The following SEMA3A variants were observed in gnomAD, a reference collection of about 807,000 sequenced individuals.
SEMA3A encodes the protein semaphorin-3A.
SEMA3A carries 29 observed loss-of-function variants against 97.9 expected under a neutral mutation model. The ratio of observed to expected loss-of-function variants is 0.30; its 90% CI spans 0.22 to 0.40. The LOEUF (loss-of-function observed/expected upper bound fraction) is 0.40, where lower values mean the gene tolerates loss of function less well. Ranked by LOEUF, SEMA3A falls within the 10% of genes least tolerant of loss-of-function variation. The pLI is 1.00. For synonymous variants in SEMA3A, 321 were observed against 323.7 expected (o/e 0.99, Z 0.09); for missense variants, 763 against 951.3 (o/e 0.80, Z 2.60).
At chr7:84,150,544 A>C (rs1212708118) in intron 1 of SEMA3A, among the ~76,000 whole-genome samples, 1 of 152,038 alleles carries the variant, frequency 6.6e-6, no homozygotes, top group Non-Finnish European at 1.5e-5. Context: ...GGCTTAAAAA[A>C]CGGCGCATCA....
At position 84,412,664 on chromosome 7, in the gene SEMA3A, T is replaced by C. The variant is rs1338223551; in HGVS notation, c.-245-40764A>G. On this transcript the variant is annotated intron_variant, in intron 1 of 3. Transcript: ENST00000424555. ...ATCTTTGTAGTTGAGCTCTAAGTGG[T>C]ATAAAGATTATACTGGATGGGTTAT... 2.0e-5 allele frequency among the ~76,000 whole-genome samples: 3 copies of C among 152,186 alleles called. 1 individual carries two copies. Among genetic ancestry groups the C allele is most frequent in the Non-Finnish European group, 4.4e-5 (3 of 68,028 alleles).
rs752420619 is a variant in SEMA3A, at chr7:84,005,559, C to CTATT, written c.1141-5_1141-2dup. On this transcript the variant is annotated splice_acceptor_variant, in intron 10 of 16. Transcript: ENST00000265362. LOFTEE classifies it high-confidence loss of function. Reference sequence around the variant, plus strand: ...AACCACCAAATGTTTTGCTGGGACACTATTAAGATAAAGAGAAAATTATCT... The same window carrying CTATT: ...AACCACCAAATGTTTTGCTGGGACACTATTTATTAAGATAAAGAGAAAATTATCT... The CTATT allele has an allele frequency of 3.8e-6, 6 of 1,587,968 alleles. No homozygotes were observed. The African/African-American group carries it at 4.0e-5, about 11-fold the overall frequency.
At chr7:84,387,792 C>A (rs1010580580) in intron 1 of SEMA3A, among the ~76,000 whole-genome samples, 4 of 152,176 alleles carry the variant, frequency 2.6e-5, no homozygotes, top group Non-Finnish European at 5.9e-5. Flanking sequence ...TAAAACTCTA[C>A]ATTTGTTTGA....
chr7:84,270,097 T>G (rs1473636118), intron 3 of SEMA3A, among the ~76,000 whole-genome samples: 1 of 152,114 alleles, frequency 6.6e-6, no homozygotes, highest in East Asian at 1.9e-4. Context: ...AGATCAGTTT[T>G]CAAAGGATTA....
intron 1 of SEMA3A, among the ~76,000 whole-genome samples, chr7:84,384,730 C>T (rs1206582174): frequency 2.0e-5 from 3 of 152,112 alleles, no homozygotes; most frequent in African/African-American, 7.2e-5. Flanking sequence ...AACTTTCCTC[C>T]CTTGAAATTT....
intron 1 of SEMA3A, among the ~76,000 whole-genome samples, chr7:84,429,516 T>TTTTTTATATATATA (rs1554385260): frequency 1.4e-5 from 1 of 72,420 alleles, no homozygotes; most frequent in Non-Finnish European, 2.3e-5. Flanking sequence ...ATAGAGTTTG[T>TTTTTTATATATATA]TATATATATA....
At chr7:84,060,223 T>C (rs1793157682) in intron 5 of SEMA3A, among the ~76,000 whole-genome samples, 1 of 152,184 alleles carries the variant, frequency 6.6e-6, no homozygotes, top group Admixed American at 6.5e-5. Context: ...TGCATAGTAA[T>C]TGAGAGGCCA....
At chr7:84,060,225 G>A (rs917669366) in intron 5 of SEMA3A, among the ~76,000 whole-genome samples, 5 of 152,176 alleles carry the variant, frequency 3.3e-5, no homozygotes, top group Admixed American at 3.3e-4. Context: ...CATAGTAATT[G>A]AGAGGCCATT....
intron 12 of SEMA3A, among the ~76,000 whole-genome samples, chr7:83,999,965 CT>C (rs3839782): frequency 0.39 from 59,027 of 151,786 alleles, 12,004 homozygotes; most frequent in Middle Eastern, 0.49. Flanking sequence ...GCATGGTCTC[CT>C]TGAGGAAGGC....
At chr7:84,460,000 G>C (rs2527540) in intron 1 of SEMA3A, among the ~76,000 whole-genome samples, 53,102 of 151,824 alleles carry the variant, frequency 0.35, 11,281 homozygotes, top group East Asian at 0.91. Flanking sequence ...GCATTGCAGC[G>C]GAGGAGATAC....
intron 3 of SEMA3A, chr7:84,307,188 A>G (rs1172444492): frequency 6.6e-6 from 1 of 152,194 alleles, no homozygotes; most frequent in Non-Finnish European, 1.5e-5. Context: ...GCCAATGTGT[A>G]TAAGTTTAAT....
At chr7:84,151,020 G>C (rs554074648) in intron 1 of SEMA3A, among the ~76,000 whole-genome samples, 62 of 149,450 alleles carry the variant, frequency 4.1e-4, no homozygotes, top group Non-Finnish European at 7.6e-4. Flanking sequence ...CAGACCTGCA[G>C]CTGAGGGTCC....
Position 83,956,901 on chromosome 7 carries a change from C to T in SEMA3A, c.*4470G>A, listed in dbSNP as rs562684467. 2.0e-4 allele frequency: 30 copies of T among 152,144 alleles called. No homozygotes were observed. Among genetic ancestry groups the T allele is most frequent in the African/African-American group, 6.7e-4 (28 of 41,548 alleles). The allele number at this position is 152,144 out of a possible 1,614,324, so 9.4% of individuals were successfully genotyped here. Reference sequence around the variant, plus strand: ...TGAAGCACCCCATGATCTCTCTCCACAAGTTAATTCCTCCTTTTTTTTTTC... The same window carrying T: ...TGAAGCACCCCATGATCTCTCTCCATAAGTTAATTCCTCCTTTTTTTTTTC... On this transcript the variant is annotated 3_prime_UTR_variant, in exon 17 of 17. Transcript: ENST00000265362.
At chr7:84,059,532 A>T (rs1486719127) in intron 5 of SEMA3A, among the ~76,000 whole-genome samples, 2 of 152,066 alleles carry the variant, frequency 1.3e-5, no homozygotes, top group Non-Finnish European at 2.9e-5. Flanking sequence ...CATATCAGAT[A>T]ACCTAAATTT....
chr7:84,366,094 C>A (rs1802841857), intron 2 of SEMA3A, among the ~76,000 whole-genome samples: 1 of 151,354 alleles, frequency 6.6e-6, no homozygotes, highest in Non-Finnish European at 1.5e-5. Context: ...CTGTCACAGA[C>A]AGACACATTA....
intron 2 of SEMA3A, among the ~76,000 whole-genome samples, chr7:84,362,562 T>C (rs1395841936): frequency 1.3e-5 from 2 of 151,990 alleles, no homozygotes; most frequent in Non-Finnish European, 2.9e-5. Flanking sequence ...TTGTACTTTG[T>C]AATCTTATCC....
chr7:84,245,585 A>T (rs937721056), intron 3 of SEMA3A, among the ~76,000 whole-genome samples: 1 of 151,398 alleles, frequency 6.6e-6, no homozygotes, highest in African/African-American at 2.4e-5. Flanking sequence ...TCTGCTTGTT[A>T]GTTTTTCTTC....
rs550150499 is a variant in SEMA3A, at chr7:84,095,201, T to C, written c.453+15269A>G. Among the ~76,000 whole-genome samples the C allele has an allele frequency of 3.7e-4, 54 of 146,912 alleles. 1 individual carries two copies. The South Asian group carries it at 0.011, about 30-fold the overall frequency. ...CTATATATTGCTATATATAGCATTATATGTATAAAATGCAATTATATATTA... is the reference window on the plus strand; with the variant it reads ...CTATATATTGCTATATATAGCATTACATGTATAAAATGCAATTATATATTA... On this transcript the variant is annotated intron_variant, in intron 4 of 16. Transcript: ENST00000265362.
chr7:84,039,721 A>G (rs890420531), intron 6 of SEMA3A, among the ~76,000 whole-genome samples: 2 of 152,138 alleles, frequency 1.3e-5, no homozygotes, highest in Non-Finnish European at 2.9e-5. Flanking sequence ...GAAATCTATC[A>G]GTTATATCTA....
Sources: gnomAD v4.1 joint callset for allele counts (sites outside exome capture counted in the v4.1 genomes callset) on GRCh38, gnomAD v4.1.1 for gene constraint, MANE v1.5 for transcripts, NCBI Gene and HGNC (gene_info 2026-07-23, HGNC 2026-07-21) for gene names.